The following SH3D21 variants were observed in gnomAD, a reference collection of about 807,000 sequenced individuals.
SH3D21 encodes SH3 domain-containing protein 21.
A neutral mutation model predicts 82.1 loss-of-function variants in SH3D21; 83 were observed. The observed-to-expected ratio is 1.01, with a 90% confidence interval of 0.85 to 1.21. SH3D21 has a LOEUF of 1.21. SH3D21 is among the 50% of genes most tolerant of loss of function. The pLI is 0.00. For synonymous variants in SH3D21, 383 were observed against 387.8 expected, an observed-to-expected ratio of 0.99 and a Z score of 0.15; for missense variants, 980 against 962.1, an observed-to-expected ratio of 1.02 and a Z score of -0.25.
Position 36,320,644 on chromosome 1 carries a change from A to G in SH3D21, c.1981A>G (p.Lys661Glu), listed in dbSNP as rs752453991. The stretch of plus-strand genomic sequence containing the variant: ...CTTTGCCCAAAAAACACGTCCTATC[A>G]AGCCGCCTCCAGACTCCCAAGAGAC... Reference protein sequence around the residue: ...RAFAQKTRPIKPPPDSQETLA... With the variant: ...RAFAQKTRPIEPPPDSQETLA... The change falls in exon 14 of 16, where the codon AAG becomes GAG. Residue 661 changes from lysine to glutamate, a missense_variant. Coordinates refer to ENST00000453908, the MANE Select transcript of SH3D21 (RefSeq NM_001162530.2). 3.1e-6 allele frequency: 5 copies of G among 1,614,136 alleles called. No homozygotes were observed. In the Admixed American group the frequency reaches 8.3e-5, roughly 27 times the overall value.
downstream of SH3D21, chr1:36,322,452 G>T: frequency 6.2e-7 from 1 of 1,604,750 alleles, no homozygotes; most frequent in Non-Finnish European, 8.5e-7. Context: ...CTCCGCCGAC[G>T]TGAAGACGTT....
chr1:36,311,191 G>T (rs1646232809), intron 10 of SH3D21, among the ~76,000 whole-genome samples: 1 of 152,064 alleles, frequency 6.6e-6, no homozygotes, highest in Non-Finnish European at 1.5e-5. Flanking sequence ...TTACAAGCGT[G>T]AGCCACCGTG....
downstream of SH3D21, chr1:36,322,286 C>T: frequency 1.3e-6 from 2 of 1,496,876 alleles, no homozygotes; most frequent in Non-Finnish European, 1.8e-6. Flanking sequence ...CAGCGGGAGC[C>T]GGGGCCCATC....
chr1:36,322,383 C>G, downstream of SH3D21: 3 of 1,594,784 alleles, frequency 1.9e-6, no homozygotes, highest in South Asian at 2.2e-5. Context: ...CTGCCCGGTG[C>G]GCCAGATCTC....
In SH3D21 at chr1:36,307,940, G is replaced by A; in HGVS notation, c.515G>A (p.Ser172Asn). The A allele has an allele frequency of 3.9e-6, 6 of 1,551,726 alleles. No individual in the cohort carries two copies. Among genetic ancestry groups the A allele is most frequent in the Non-Finnish European group, 5.2e-6 (6 of 1,146,992 alleles). ...PPKLSSLAYD[S>N]PPDYLQTVSH... is the part of the protein sequence containing the mutation. ...TAGCTGAGCAGCCTGGCCTATGACA[G>A]CCCTCCAGACTACCTGCAGACAGGT... is the stretch of plus-strand genomic sequence containing the variant. The change falls in exon 7 of 16, where the codon AGC (serine) becomes AAC (asparagine). Residue 172 changes from serine to asparagine, a missense_variant. By Grantham distance (46) the Ser-to-Asn change is conservative. Coordinates refer to ENST00000453908, the MANE Select transcript of SH3D21 (RefSeq NM_001162530.2). This position sits in a 1 kb window ranked among gnomAD's most constrained non-coding sequence, Gnocchi z 5.4.
chr1:36,320,584 G>A lies in SH3D21; in HGVS notation c.1921G>A (p.Ala641Thr). The change falls in exon 14 of 16, where the codon GCT becomes ACT. Residue 641 changes from alanine to threonine, a missense_variant. Ala to Thr is a moderately conservative substitution (Grantham distance 58). Coordinates refer to ENST00000453908, the MANE Select transcript of SH3D21 (RefSeq NM_001162530.2). ...KEELPPKEEV[A>T]PKEEVPPIER... ...GGAATTGCCCCCTAAAGAGGAAGTG[G>A]CTCCAAAAGAGGAGGTGCCCCCCAT... The A allele has an allele frequency of 6.2e-7, 1 of 1,614,214 alleles. No individual in the cohort carries two copies. Among genetic ancestry groups the A allele is most frequent in the South Asian group, 1.1e-5 (1 of 91,090 alleles).
At chr1:36,308,260 G>A in intron 8 of SH3D21, 51 bp downstream of exon 8, 2 of 1,479,784 alleles carry the variant, frequency 1.4e-6, no homozygotes, top group Non-Finnish European at 1.8e-6. Context: ...GTTGAGAAAG[G>A]GTAGACCTGC....
chr1:36,307,709 C>T lies in SH3D21; in HGVS notation c.437-61C>T, dbSNP rs1646157168. 3.2e-5 allele frequency: 49 copies of T among 1,541,890 alleles called. No individual in the cohort carries two copies. In the South Asian group the frequency reaches 5.7e-4, roughly 18 times the overall value. On this transcript the variant is annotated intron_variant, in intron 5 of 15. Coordinates refer to ENST00000453908, the MANE Select transcript of SH3D21 (RefSeq NM_001162530.2). The surrounding 1 kb of genome is among the most constrained non-coding windows in gnomAD (Gnocchi z 5.4). Reference sequence around the variant, plus strand: ...TATCCTGACCCTGTGACCCCTCTGACCCTCTCCCATGACCTAACCTGTGAA... The same window carrying T: ...TATCCTGACCCTGTGACCCCTCTGATCCTCTCCCATGACCTAACCTGTGAA...
Position 36,306,797 on chromosome 1 carries a change from G to GC in SH3D21, c.163-39dup. On this transcript the variant is annotated intron_variant, in intron 2 of 15. Coordinates refer to ENST00000453908, the MANE Select transcript of SH3D21 (RefSeq NM_001162530.2). The surrounding 1 kb of genome is among the most constrained non-coding windows in gnomAD (Gnocchi z 4.5). ...GGCGGGCTGTGGGGTCTCAGCGCGCGCCCCCCGGGAGCTGAGAGCGCCTTC... is the reference window on the plus strand; with the variant it reads ...GGCGGGCTGTGGGGTCTCAGCGCGCGCCCCCCCGGGAGCTGAGAGCGCCTTC... 1 of 1,291,562 alleles carries GC rather than the reference G, an allele frequency of 7.7e-7. No individual in the cohort carries two copies. The highest frequency in any genetic ancestry group is 1.5e-5 in the African/African-American group (1 of 64,756). The allele number at this position is 1,291,562 out of a possible 1,614,324, so 80.0% of individuals were successfully genotyped here. A position where few individuals can be genotyped will look rare whatever the true frequency, so the allele number is the denominator to read the frequency against.
chr1:36,326,108 G>A (rs1444744239), downstream of SH3D21, among the ~76,000 whole-genome samples: 2 of 152,206 alleles, frequency 1.3e-5, no homozygotes, highest in African/African-American at 2.4e-5. Context: ...GTAAGAACAT[G>A]CTTGGGATAC....
chr1:36,326,510 G>A (rs1570419319), downstream of SH3D21, among the ~76,000 whole-genome samples: 1 of 152,346 alleles, frequency 6.6e-6, no homozygotes, highest in East Asian at 1.9e-4. Flanking sequence ...AATTACAGGT[G>A]TGAGCCACCG....
chr1:36,319,976 C>T lies in SH3D21; in HGVS notation c.1313C>T (p.Thr438Ile), dbSNP rs1646417720. ...GAGAACTCCATCATCCCAGAGGAGA[C>T]CCTGACTGTGGACAAACCCTCCACT... ...IPENSIIPEE[T>I]LTVDKPSTPE... The change falls in exon 14 of 16, where the codon ACC (threonine) becomes ATC (isoleucine). Residue 438 changes from threonine (T) to isoleucine (I), a missense_variant. Transcript: ENST00000453908. 1.2e-6 allele frequency: 2 copies of T among 1,614,016 alleles called. No individual in the cohort carries two copies. The highest frequency in any genetic ancestry group is 1.1e-5 in the South Asian group (1 of 91,080).
At chr1:36,321,544 C>A, downstream of SH3D21, 1 of 721,732 alleles carries the variant, frequency 1.4e-6, no homozygotes, top group Non-Finnish European at 1.8e-6. The surrounding 1 kb of genome is among the most constrained non-coding windows in gnomAD (Gnocchi z 6.1). Flanking sequence ...CTCGCCAGCT[C>A]GGACCCCTCC....
chr1:36,320,467 G>A lies in SH3D21; in HGVS notation c.1804G>A (p.Glu602Lys), dbSNP rs747684366. Residue 602 changes from glutamate (E) to lysine (K), a missense_variant, in exon 14 of 16, where the codon GAG becomes AAG. By Grantham distance (56) the Glu-to-Lys change is moderately conservative. Transcript: ENST00000453908. ...APSNDERTPE[E>K]EAPPNEQRPL... is the part of the protein sequence containing the mutation. ...TTCCAATGACGAGAGGACCCCTGAA[G>A]AGGAGGCGCCCCCCAACGAGCAGAG... 4 of 1,613,618 alleles carry A rather than the reference G, an allele frequency of 2.5e-6. No homozygotes were observed. The highest frequency in any genetic ancestry group is 3.4e-6 in the Non-Finnish European group (4 of 1,179,822).
In SH3D21 at chr1:36,307,173, C is replaced by A. The variant is rs1646144701; in HGVS notation, c.233C>A (p.Pro78His). 6.4e-7 allele frequency: 1 copy of A among 1,551,574 alleles called. No homozygotes were observed. Among genetic ancestry groups the A allele is most frequent in the African/African-American group, 1.4e-5 (1 of 73,066 alleles). The change falls in exon 4 of 16, where the codon CCT becomes CAT. Residue 78 changes from proline (P) to histidine (H), a missense_variant. Pro to His is a moderately conservative substitution (Grantham distance 77). Transcript: ENST00000453908. The surrounding 1 kb of genome is among the most constrained non-coding windows in gnomAD (Gnocchi z 5.4). ...CGCGCTTGTCCGGTGCTAGGTCATC[C>A]TGCCAAACACCCGAGGCCCCAAAGA... Reference protein sequence around the residue: ...RPRCARRRGHPAKHPRPQRWC... With the variant: ...RPRCARRRGHHAKHPRPQRWC...
chr1:36,311,170 A>C (rs1646232244), intron 10 of SH3D21, among the ~76,000 whole-genome samples: 1 of 152,028 alleles, frequency 6.6e-6, no homozygotes, highest in Non-Finnish European at 1.5e-5. Context: ...TGGCCTCCCA[A>C]AGTGCTAGGA....
rs1441950375 is a variant in SH3D21 at position 36,308,395 on chromosome 1, G to C, written c.646G>C (p.Glu216Gln). ...TGGCGTGTTTCTTTTCCAGACCACA[G>C]AGGATAAGGGCTGGTGGGAAGGAGA... ...DVVKVLSKTT[E>Q]DKGWWEGECQ... Residue 216 changes from glutamate to glutamine, a missense_variant, in exon 9 of 16, where the codon GAG (glutamate) becomes CAG (glutamine). Transcript: ENST00000453908. 5 of 1,551,926 alleles carry C rather than the reference G, an allele frequency of 3.2e-6. No individual in the cohort carries two copies. The South Asian group carries it at 5.9e-5, about 18-fold the overall frequency.
downstream of SH3D21, among the ~76,000 whole-genome samples, chr1:36,325,691 C>T (rs969953729): frequency 6.6e-6 from 1 of 151,916 alleles, no homozygotes; most frequent in Non-Finnish European, 1.5e-5. Flanking sequence ...ACTACAGGCG[C>T]CTGCCACCAC....
chr1:36,320,783 T>A lies in SH3D21; in HGVS notation c.2120T>A (p.Met707Lys). Reference sequence around the variant, plus strand: ...TCTCTAAGGAGGGCGCTGGAGCTGATGGAGGTGCAGCTGGAGTGAGTGGGC... The same window carrying A: ...TCTCTAAGGAGGGCGCTGGAGCTGAAGGAGGTGCAGCTGGAGTGAGTGGGC... The part of the protein sequence containing the change: ...VESLRRALEL[M>K]EVQLERKLTD... Residue 707 changes from methionine (M) to lysine (K), a missense_variant, in exon 14 of 16, where the codon ATG (methionine) becomes AAG (lysine). Physicochemically the swap from Met to Lys is moderately conservative, Grantham distance 95 (BLOSUM62 -1). Transcript: ENST00000453908. 1.3e-6 allele frequency: 2 copies of A among 1,573,198 alleles called. No homozygotes were observed. The highest frequency in any genetic ancestry group is 1.7e-6 in the Non-Finnish European group (2 of 1,159,116).
Sources: allele counts gnomAD v4.1 joint callset (sites outside exome capture counted in the v4.1 genomes callset), GRCh38; gene constraint gnomAD v4.1.1; non-coding constraint Gnocchi (gnomAD v3.1); transcripts MANE v1.5; gene names NCBI Gene and HGNC (gene_info 2026-07-23, HGNC 2026-07-21).